The following CACNA2D3 variants were observed in gnomAD, a reference collection of about 807,000 sequenced individuals.
CACNA2D3 encodes voltage-dependent calcium channel subunit alpha-2/delta-3.
In CACNA2D3, 60 loss-of-function variants were observed where a neutral mutation model predicts 160.6. The observed-to-expected ratio is 0.37, with a 90% CI of 0.30 to 0.46. The LOEUF (loss-of-function observed/expected upper bound fraction) is 0.46. Ranked by LOEUF, CACNA2D3 falls within the 20% of genes least tolerant of loss-of-function variation. CACNA2D3 has a pLI of 1.00. For synonymous variants in CACNA2D3, 558 were observed against 492.9 expected (o/e 1.13, Z -1.75); for missense variants, 1,205 against 1,365.0 (o/e 0.88, Z 1.85).
At chr3:54,955,692 G>A (rs536258252) in intron 27 of CACNA2D3, among the ~76,000 whole-genome samples, 5 of 152,252 alleles carry the variant, frequency 3.3e-5, no homozygotes, top group South Asian at 4.2e-4. Flanking sequence ...ACTGAGATCA[G>A]ACAGCCTGGC....
intron 27 of CACNA2D3, chr3:54,918,573 G>A: frequency 6.2e-7 from 1 of 1,614,112 alleles, no homozygotes. Context: ...TGCAGCCATA[G>A]ATGGCAGCTG....
chr3:54,583,519 C>T (rs1316487640), intron 9 of CACNA2D3, among the ~76,000 whole-genome samples: 4 of 152,106 alleles, frequency 2.6e-5, no homozygotes, highest in Non-Finnish European at 5.9e-5. Flanking sequence ...GTTGAGTATT[C>T]CTTATCTAAA....
chr3:54,874,730 A>G (rs1699619269), intron 18 of CACNA2D3: 1 of 152,244 alleles, frequency 6.6e-6, no homozygotes, highest in African/African-American at 2.4e-5. Context: ...TGTGGATTCC[A>G]ACTCAGGCAG....
intron 4 of CACNA2D3, among the ~76,000 whole-genome samples, chr3:54,398,112 CTG>C (rs1185741604): frequency 1.5e-5 from 1 of 67,704 alleles, no homozygotes; most frequent in Non-Finnish European, 2.8e-5. Flanking sequence ...GGTTTAAAGT[CTG>C]TTTTATCAGA....
At chr3:54,717,513 CGTGTGTGTGTGTG>C (rs1405453351) in intron 11 of CACNA2D3, among the ~76,000 whole-genome samples, 2 of 150,084 alleles carry the variant, frequency 1.3e-5, no homozygotes, top group African/African-American at 4.9e-5. Context: ...TCTGTGTATG[CGTGTGTGTGTGTG>C]GTGTGTGTGT....
At chr3:54,876,413 AAGG>A in intron 18 of CACNA2D3, 1 of 152,346 alleles carries the variant, frequency 6.6e-6, no homozygotes, top group Non-Finnish European at 1.5e-5. Flanking sequence ...CTCCTCTGGC[AAGG>A]AGGACAGAAA....
intron 27 of CACNA2D3, among the ~76,000 whole-genome samples, chr3:54,924,393 A>G (rs538189704): frequency 4.5e-4 from 68 of 152,338 alleles, no homozygotes; most frequent in African/African-American, 1.6e-3. Flanking sequence ...AACAAGTGAA[A>G]GTTATCTCCA....
intron 35 of CACNA2D3, among the ~76,000 whole-genome samples, chr3:55,028,569 T>C (rs967165248): frequency 2.0e-5 from 3 of 152,222 alleles, no homozygotes; most frequent in Non-Finnish European, 4.4e-5. Flanking sequence ...CCTTCTTGAT[T>C]ACCCAGCCCC....
At chr3:54,341,196 C>A (rs977140745) in intron 3 of CACNA2D3, among the ~76,000 whole-genome samples, 4 of 152,340 alleles carry the variant, frequency 2.6e-5, no homozygotes, top group Admixed American at 2.0e-4. Flanking sequence ...CTTTGAGTTC[C>A]ATTAAAGAAG....
At chr3:54,894,156 T>C (rs1700132468) in intron 25 of CACNA2D3, among the ~76,000 whole-genome samples, 1 of 152,192 alleles carries the variant, frequency 6.6e-6, no homozygotes, top group Non-Finnish European at 1.5e-5. Flanking sequence ...CAATAGCTCC[T>C]AGTATCCAGG....
At position 54,495,783 on chromosome 3, in the gene CACNA2D3, A is replaced by G. The variant is rs1328466698; in HGVS notation, c.382-7709A>G. On this transcript the variant is annotated intron_variant, in intron 4 of 37. Transcript: ENST00000474759. ...CAACCAACCAGAGAGGGAAATTTCC[A>G]GGACTCCAGGAAGCTCTGTTGTGTA... is the stretch of plus-strand genomic sequence containing the variant. 2.0e-5 allele frequency among the ~76,000 whole-genome samples: 3 copies of G among 152,166 alleles called. No individual in the cohort carries two copies. The East Asian group carries it at 5.8e-4, about 29-fold the overall frequency.
chr3:54,559,112 C>T (rs939959755), intron 5 of CACNA2D3, among the ~76,000 whole-genome samples: 10 of 152,140 alleles, frequency 6.6e-5, no homozygotes, highest in Non-Finnish European at 1.5e-4. Flanking sequence ...AGCTATTTCT[C>T]CTCTAAGAAC....
intron 10 of CACNA2D3, among the ~76,000 whole-genome samples, chr3:54,630,620 C>T (rs1226064285): frequency 1.3e-5 from 2 of 152,158 alleles, no homozygotes; most frequent in African/African-American, 2.4e-5. Context: ...CCATCATCTC[C>T]GTATTAGCAT....
At chr3:54,858,606 A>G (rs980544467) in intron 17 of CACNA2D3, among the ~76,000 whole-genome samples, 3 of 152,206 alleles carry the variant, frequency 2.0e-5, no homozygotes, top group Non-Finnish European at 4.4e-5. Flanking sequence ...TCCTTAAAAT[A>G]GGAAACAGAG....
chr3:54,807,050 A>G (rs994025214), intron 13 of CACNA2D3, among the ~76,000 whole-genome samples: 38 of 152,228 alleles, frequency 2.5e-4, no homozygotes, highest in Admixed American at 3.9e-4. Context: ...TACAAAAATT[A>G]ATTCAAGATA....
chr3:54,581,896 A>G lies in CACNA2D3; in HGVS notation c.963+19A>G. On this transcript the variant is annotated intron_variant, in intron 9 of 37. Transcript: ENST00000474759. ...CAAAGAGGTAGGGGCAGCTCGGGGGAGCATTCCAGTCATGGTACACCCCTG... is the reference window on the plus strand; with the variant it reads ...CAAAGAGGTAGGGGCAGCTCGGGGGGGCATTCCAGTCATGGTACACCCCTG... 3 of 1,607,194 alleles carry G rather than the reference A, an allele frequency of 1.9e-6. No individual in the cohort carries two copies. The highest frequency in any genetic ancestry group is 1.3e-5 in the African/African-American group (1 of 74,804).
chr3:54,928,173 A>C (rs1203504159), intron 27 of CACNA2D3: 4 of 514,522 alleles, frequency 7.8e-6, no homozygotes, highest in Non-Finnish European at 1.4e-5. Flanking sequence ...CTTTCTTAAA[A>C]TGTTGGCCTC....
intron 31 of CACNA2D3, among the ~76,000 whole-genome samples, chr3:55,001,847 C>T (rs4955826): frequency 0.39 from 59,566 of 152,034 alleles, 12,449 homozygotes; most frequent in African/African-American, 0.55. Context: ...TTGAAGAGTA[C>T]CAGCAAGCTG....
At chr3:54,252,693 A>G (rs965123593) in intron 2 of CACNA2D3, among the ~76,000 whole-genome samples, 1 of 152,110 alleles carries the variant, frequency 6.6e-6, no homozygotes, top group African/African-American at 2.4e-5. Context: ...CGTATGATAT[A>G]GTTCCCCTGC....
Sources: allele counts gnomAD v4.1 joint callset (sites outside exome capture counted in the v4.1 genomes callset), GRCh38; gene constraint gnomAD v4.1.1; transcripts MANE v1.5; gene names NCBI Gene and HGNC (gene_info 2026-07-23, HGNC 2026-07-21).